The following GALNT13 variants were observed in gnomAD, a reference collection of about 807,000 sequenced individuals.
The protein encoded by GALNT13 is polypeptide N-acetylgalactosaminyltransferase 13, also known as UDP-GalNAc:polypeptide N-acetylgalactosaminyltransferase 13.
Under a neutral mutation model 64.2 loss-of-function variants are expected in GALNT13, and 28 were observed. That is an observed-to-expected ratio of 0.44 (90% CI 0.32 to 0.60). The LOEUF is 0.60. Ranked by LOEUF, GALNT13 falls within the 20% of genes least tolerant of loss-of-function variation. The pLI, the probability that GALNT13 is intolerant of heterozygous loss-of-function variation, is 0.05. For missense variants in GALNT13, 577 were observed against 669.8 expected (o/e 0.86, Z 1.53); for synonymous variants, 214 against 224.6 (o/e 0.95, Z 0.42).
At chr2:153,308,847 A>G in the GALNT13 span, among the ~76,000 whole-genome samples, 23 of 152,202 alleles carry the variant, frequency 1.5e-4, no homozygotes, top group Admixed American at 1.5e-3. Context: ...TCCAAAAAGA[A>G]CACCAGGAAT....
At chr2:153,264,759 T>A in the GALNT13 span, among the ~76,000 whole-genome samples, 1 of 152,046 alleles carries the variant, frequency 6.6e-6, no homozygotes, top group East Asian at 1.9e-4. Context: ...TGAGAACACA[T>A]GGACACAGGG....
At chr2:153,721,790 C>A in the GALNT13 span, among the ~76,000 whole-genome samples, 1 of 151,600 alleles carries the variant, frequency 6.6e-6, no homozygotes, top group South Asian at 2.1e-4. Flanking sequence ...AATACAGGAG[C>A]ACCCAGATTC....
chr2:154,149,396 G>T (rs1160016940), intron 4 of GALNT13, among the ~76,000 whole-genome samples: 1 of 152,092 alleles, frequency 6.6e-6, no homozygotes, highest in South Asian at 2.1e-4. Context: ...GCTTAGGATT[G>T]ACTTGGTGGT....
intron 4 of GALNT13, among the ~76,000 whole-genome samples, chr2:154,216,105 T>C (rs1284586401): frequency 6.6e-6 from 1 of 152,150 alleles, no homozygotes; most frequent in Non-Finnish European, 1.5e-5. Context: ...CATATTTTAT[T>C]TTTGATATAT....
At chr2:153,908,031 A>G (rs1177746344) in intron 2 of GALNT13, among the ~76,000 whole-genome samples, 1 of 152,078 alleles carries the variant, frequency 6.6e-6, no homozygotes, top group Non-Finnish European at 1.5e-5. Context: ...ACCAGCAAGC[A>G]GTGTGTAAGT....
the GALNT13 span, among the ~76,000 whole-genome samples, chr2:153,178,983 T>A: frequency 6.6e-6 from 1 of 151,966 alleles, no homozygotes; most frequent in African/African-American, 2.4e-5. Context: ...CCTCAGGTGA[T>A]CCATGCACCT....
the GALNT13 span, among the ~76,000 whole-genome samples, chr2:153,609,088 T>TTTTGTTTG: frequency 2.0e-5 from 3 of 150,472 alleles, no homozygotes; most frequent in South Asian, 4.2e-4. Context: ...AGCTAAGTTT[T>TTTTGTTTG]TTTGTTTGTT....
At chr2:154,197,731 TAA>T (rs11356034) in intron 4 of GALNT13, among the ~76,000 whole-genome samples, 5 of 149,706 alleles carry the variant, frequency 3.3e-5, no homozygotes, top group African/African-American at 4.9e-5. Context: ...AGCATCCAGT[TAA>T]AAAAAAAATA....
the GALNT13 span, among the ~76,000 whole-genome samples, chr2:153,612,822 T>C: frequency 6.6e-6 from 1 of 152,310 alleles, no homozygotes; most frequent in South Asian, 2.1e-4. Flanking sequence ...TATGATGACA[T>C]TAATACTTTT....
the GALNT13 span, among the ~76,000 whole-genome samples, chr2:153,231,481 T>C: frequency 1.3e-5 from 2 of 152,212 alleles, no homozygotes; most frequent in Non-Finnish European, 2.9e-5. Flanking sequence ...AAGAGCATAA[T>C]AAAACAGCTT....
At chr2:153,343,678 G>A in the GALNT13 span, among the ~76,000 whole-genome samples, 1 of 151,920 alleles carries the variant, frequency 6.6e-6, no homozygotes, top group Non-Finnish European at 1.5e-5. Context: ...TTCCTCTGGG[G>A]AGCCTTCCTA....
chr2:153,122,946 T>C, the GALNT13 span, among the ~76,000 whole-genome samples: 1 of 151,916 alleles, frequency 6.6e-6, no homozygotes, highest in East Asian at 1.9e-4. Flanking sequence ...CCTAGTCTAA[T>C]GACTGGTGTT....
the GALNT13 span, among the ~76,000 whole-genome samples, chr2:153,595,611 C>T: frequency 4.6e-5 from 7 of 151,664 alleles, no homozygotes; most frequent in South Asian, 2.1e-4. Context: ...CCCAACTATA[C>T]GATATAAAAA....
chr2:153,525,679 T>G, the GALNT13 span, among the ~76,000 whole-genome samples: 2 of 152,014 alleles, frequency 1.3e-5, no homozygotes, highest in Admixed American at 1.3e-4. Context: ...AAAAATAATG[T>G]GTTCCATGAA....
chr2:153,149,011 G>C, the GALNT13 span, among the ~76,000 whole-genome samples: 1 of 151,836 alleles, frequency 6.6e-6, no homozygotes, highest in South Asian at 2.1e-4. Context: ...GATTCATACA[G>C]GATGATTTTA....
chr2:153,857,816 A>C, the GALNT13 span, among the ~76,000 whole-genome samples: 1 of 152,150 alleles, frequency 6.6e-6, no homozygotes, highest in Non-Finnish European at 1.5e-5. Flanking sequence ...CAAACTATAT[A>C]ACTCTTGCTT....
At chr2:154,417,423 TGTTA>T (rs1170010047) in intron 11 of GALNT13, among the ~76,000 whole-genome samples, 2 of 151,952 alleles carry the variant, frequency 1.3e-5, no homozygotes, top group African/African-American at 2.4e-5. Context: ...AAATTGTTAT[TGTTA>T]GTTGTTGTTT....
chr2:153,714,415 T>C, the GALNT13 span, among the ~76,000 whole-genome samples: 1 of 152,322 alleles, frequency 6.6e-6, no homozygotes, highest in East Asian at 1.9e-4. Flanking sequence ...TCTACCTTTT[T>C]CTCACCTATT....
chr2:154,015,255 G>A (rs1369089064), intron 3 of GALNT13, among the ~76,000 whole-genome samples: 2 of 152,062 alleles, frequency 1.3e-5, no homozygotes, highest in African/African-American at 4.8e-5. Flanking sequence ...GAATAAATCT[G>A]ATTTAGTGAA....
Sources: allele counts gnomAD v4.1 joint callset (sites outside exome capture counted in the v4.1 genomes callset), GRCh38; gene constraint gnomAD v4.1.1; transcripts MANE v1.5; gene names NCBI Gene and HGNC (gene_info 2026-07-23, HGNC 2026-07-21).